The following CYLD variants were observed in gnomAD, a reference collection of about 807,000 sequenced individuals.
The protein encoded by CYLD is CYLD lysine 63 deubiquitinase, also known as ubiquitin carboxyl-terminal hydrolase CYLD.
In CYLD, 26 loss-of-function variants were observed where a neutral mutation model predicts 104.5. That is an observed-to-expected ratio of 0.25 (90% confidence interval 0.18 to 0.35). CYLD has a LOEUF of 0.35. Among genes scored for constraint, CYLD ranks in the 10% least tolerant of loss-of-function variants. The probability of loss-of-function intolerance (pLI) is 1.00; values close to 1 mark genes in which losing one functional copy is unlikely to be tolerated. For missense variants in CYLD, 703 were observed against 1,136.1 expected (o/e 0.62, Z 5.48); for synonymous variants, 385 against 399.9 (o/e 0.96, Z 0.45).
chr16:50,754,888 C>T (rs1043297189), intron 5 of CYLD, among the ~76,000 whole-genome samples: 31 of 143,230 alleles, frequency 2.2e-4, no homozygotes, highest in Middle Eastern at 3.6e-3. Context: ...TATATATATA[C>T]GCATATATAC....
Position 50,794,093 on chromosome 16 carries a change from A to G in CYLD, c.2470-119A>G, listed in dbSNP as rs1971727276. 1.1e-6 allele frequency: 1 copy of G among 913,564 alleles called. No individual in the cohort carries two copies. The highest frequency in any genetic ancestry group is 3.2e-4 in the Middle Eastern group (1 of 3,098). 56.6% of individuals were successfully genotyped at this position (913,564 alleles called of 1,614,324 possible). ...CAGGCGCCTGCCACCACGCCCAGCT[A>G]ATTTTTGTATTTTTAACAGAGACAG... is the stretch of plus-strand genomic sequence containing the variant. On this transcript the variant is annotated intron_variant, in intron 17 of 18. Coordinates refer to ENST00000427738, the MANE Select transcript of CYLD (RefSeq NM_001378743.1). The surrounding 1 kb of genome is among the most constrained non-coding windows in gnomAD (Gnocchi z 4.1).
At chr16:50,769,441 T>A (rs1166380764) in intron 5 of CYLD, among the ~76,000 whole-genome samples, 1 of 152,208 alleles carries the variant, frequency 6.6e-6, no homozygotes, top group Non-Finnish European at 1.5e-5. Flanking sequence ...CAAACATCTT[T>A]CCATGTGCAT....
intron 12 of CYLD, chr16:50,786,493 C>T (rs193183722): frequency 1.1e-3 from 207 of 196,092 alleles, no homozygotes; most frequent in Non-Finnish European, 1.7e-3. Context: ...GGTGTGGTGG[C>T]GCACACCTGT....
chr16:50,761,192 G>A (rs1029184447), intron 5 of CYLD, among the ~76,000 whole-genome samples: 4 of 152,004 alleles, frequency 2.6e-5, no homozygotes, highest in Non-Finnish European at 4.4e-5. Context: ...TCTGTGATGC[G>A]AGATGCAAAT....
chr16:50,747,141 T>C (rs933645167), intron 2 of CYLD, among the ~76,000 whole-genome samples: 1 of 152,250 alleles, frequency 6.6e-6, no homozygotes, highest in African/African-American at 2.4e-5. Context: ...AACCTTCTGC[T>C]AGTGACCAGA....
At position 50,787,034 on chromosome 16, in the gene CYLD, T is replaced by TG. The variant is rs778401913; in HGVS notation, c.2041+94dup. On this transcript the variant is annotated intron_variant, in intron 13 of 18. Transcript: ENST00000427738. ...TAGCTGAAATGTGTGTCTGTGTAGT[T>TG]GGGGGGTTTTCTTTTAAATTAGAAA... 5 of 1,124,830 alleles carry TG rather than the reference T, an allele frequency of 4.4e-6. No individual in the cohort carries two copies. The South Asian group carries it at 5.0e-5, about 11-fold the overall frequency. The allele number at this position is 1,124,830 out of a possible 1,614,324, so 69.7% of individuals were successfully genotyped here.
chr16:50,754,480 A>AT, intron 5 of CYLD, 56 bp downstream of exon 5: 1 of 1,129,126 alleles, frequency 8.9e-7, no homozygotes. Flanking sequence ...TTAATTTTTT[A>AT]TTTTTTTATA....
chr16:50,784,269 A>G, intron 11 of CYLD, 60 bp from the exon 12 acceptor site: 1 of 1,562,006 alleles, frequency 6.4e-7, no homozygotes, highest in Non-Finnish European at 8.8e-7. Flanking sequence ...TTCTGTTAAA[A>G]ATCTGTTTCT....
Position 50,749,653 on chromosome 16 carries a change from T to A in CYLD, c.-46T>A, listed in dbSNP as rs750855717. 1 of 1,593,524 alleles carries A rather than the reference T, an allele frequency of 6.3e-7. No individual in the cohort carries two copies. The highest frequency in any genetic ancestry group is 2.2e-5 in the East Asian group (1 of 44,746). ...TTTTGCGGTTTTATGACAAAGTTAT[T>A]AGTAGTTTCCCTTTTTTGAATTAGT... On this transcript the variant is annotated 5_prime_UTR_variant, in exon 3 of 19. The change creates a premature stop within an existing upstream ORF in the 5' untranslated region. Coordinates refer to ENST00000427738, the MANE Select transcript of CYLD (RefSeq NM_001378743.1).
chr16:50,799,865 G>C lies in CYLD; in HGVS notation c.*3357G>C, dbSNP rs534599316. On this transcript the variant is annotated 3_prime_UTR_variant, in exon 19 of 19. Coordinates refer to ENST00000427738, the MANE Select transcript of CYLD (RefSeq NM_001378743.1). The stretch of plus-strand genomic sequence containing the variant: ...GGATAAAGTATTAGACTTTTGCTGA[G>C]TAACTGCCAACCAAGAAGTATTTAT... 298 of 233,146 alleles carry C rather than the reference G, an allele frequency of 1.3e-3. 1 individual carries two copies. The highest frequency in any genetic ancestry group is 6.0e-3 in the African/African-American group (271 of 45,428). 14.4% of individuals were successfully genotyped at this position (233,146 alleles called of 1,614,324 possible).
rs890365221 is a variant in CYLD, at chr16:50,742,959, T to C, written c.-124+118T>C. ...GATGGTGTTGAGTTTGGTACTCAGC[T>C]GGGTCAGCTGCCGGTTATTCATGTA... On this transcript the variant is annotated intron_variant, in intron 2 of 18. Transcript: ENST00000427738. 35 of 396,734 alleles carry C rather than the reference T, an allele frequency of 8.8e-5. 1 individual carries two copies. In the Admixed American group the frequency reaches 9.7e-4, roughly 11 times the overall value. 24.6% of individuals were successfully genotyped at this position (396,734 alleles called of 1,614,324 possible). A position where few individuals can be genotyped will look rare whatever the true frequency, so the allele number is the denominator to read the frequency against.
intron 5 of CYLD, among the ~76,000 whole-genome samples, chr16:50,760,693 C>G (rs1334811090): frequency 6.6e-6 from 1 of 152,136 alleles, no homozygotes; most frequent in Non-Finnish European, 1.5e-5. Flanking sequence ...TAACCAGTTT[C>G]CTATCAATGG....
chr16:50,751,287 A>G (rs1259346270), intron 3 of CYLD, among the ~76,000 whole-genome samples: 3 of 152,230 alleles, frequency 2.0e-5, no homozygotes, highest in African/African-American at 7.2e-5. Context: ...TGGAGCTAAC[A>G]TTACTGCTAT....
In CYLD at chr16:50,789,151, A is replaced by G. The variant is rs1485845236; in HGVS notation, c.2108+1299A>G. On this transcript the variant is annotated intron_variant, in intron 14 of 18. Coordinates refer to ENST00000427738, the MANE Select transcript of CYLD (RefSeq NM_001378743.1). The stretch of plus-strand genomic sequence containing the variant: ...TAGTGTGTGATACTAGCATATGATT[A>G]GAAATATGGATCAATGGGGCCAAAT... 9.2e-5 allele frequency among the ~76,000 whole-genome samples: 14 copies of G among 152,364 alleles called. No homozygotes were observed. In the East Asian group the frequency reaches 2.7e-3, roughly 29 times the overall value.
chr16:50,770,107 TA>T (rs950778269), intron 5 of CYLD, among the ~76,000 whole-genome samples: 1 of 152,250 alleles, frequency 6.6e-6, no homozygotes, highest in Non-Finnish European at 1.5e-5. Flanking sequence ...AATGCTTTTA[TA>T]AATATTTGTG....
chr16:50,782,916 A>ATTTTT lies in CYLD; in HGVS notation c.1826+472_1826+476dup, dbSNP rs386384680. 3.9e-4 allele frequency among the ~76,000 whole-genome samples: 34 copies of ATTTTT among 87,718 alleles called. 2 individuals are homozygous for ATTTTT. Among genetic ancestry groups the ATTTTT allele is most frequent in the African/African-American group, 6.6e-4 (14 of 21,228 alleles). 57.5% of individuals were successfully genotyped at this position (87,718 alleles called of 152,430 possible). A position where few individuals can be genotyped will look rare whatever the true frequency, so the allele number is the denominator to read the frequency against. On this transcript the variant is annotated intron_variant, in intron 11 of 18. Coordinates refer to ENST00000427738, the MANE Select transcript of CYLD (RefSeq NM_001378743.1). Reference sequence around the variant, plus strand: ...TTTTTCCAAAGTGGAACAACTTAAGATTTTTTTTTTTTTTTTTTTTTTTTT... The same window carrying ATTTTT: ...TTTTTCCAAAGTGGAACAACTTAAGATTTTTTTTTTTTTTTTTTTTTTTTTTTTTT...
At chr16:50,786,080 A>T (rs1249117196) in intron 12 of CYLD, 1 of 152,224 alleles carries the variant, frequency 6.6e-6, no homozygotes, top group Non-Finnish European at 1.5e-5. Context: ...CATTCAGACA[A>T]AGAAGAGAGA....
intron 5 of CYLD, among the ~76,000 whole-genome samples, chr16:50,759,678 C>T (rs1325071149): frequency 6.6e-6 from 1 of 152,168 alleles, no homozygotes; most frequent in African/African-American, 2.4e-5. Context: ...CAGTTTGGTG[C>T]CCATTGTAAT....
intron 5 of CYLD, among the ~76,000 whole-genome samples, chr16:50,754,948 CACAT>C (rs1277442991): frequency 1.4e-5 from 2 of 144,156 alleles, no homozygotes; most frequent in Admixed American, 7.0e-5. Flanking sequence ...TATATATACA[CACAT>C]ATATACATAT....
Sources: allele counts gnomAD v4.1 joint callset (sites outside exome capture counted in the v4.1 genomes callset), GRCh38; gene constraint gnomAD v4.1.1; non-coding constraint Gnocchi (gnomAD v3.1); transcripts MANE v1.5; gene names NCBI Gene and HGNC (gene_info 2026-07-23, HGNC 2026-07-21).